The following FHOD3 variants were observed in gnomAD, a reference collection of about 807,000 sequenced individuals.
FHOD3 encodes the protein formin homology 2 domain containing 3.
A neutral mutation model predicts 173.0 loss-of-function variants in FHOD3; 90 were observed. The ratio of observed to expected loss-of-function variants is 0.52; its 90% confidence interval spans 0.44 to 0.62. The LOEUF (loss-of-function observed/expected upper bound fraction) is 0.62, where lower values mean the gene tolerates loss of function less well. FHOD3 is among the 20% of genes least tolerant of loss of function. The pLI is 0.00. For missense variants in FHOD3, 1,945 were observed against 2,034.7 expected (o/e 0.96, Z 0.85); for synonymous variants, 828 against 823.0 (o/e 1.01, Z -0.10).
At chr18:36,313,002 A>G (rs1264962466) in intron 1 of FHOD3, among the ~76,000 whole-genome samples, 1 of 152,180 alleles carries the variant, frequency 6.6e-6, no homozygotes, top group Non-Finnish European at 1.5e-5. Context: ...TGGGCTGGGA[A>G]GTGCCAATAG....
chr18:36,352,767 G>T (rs1045239808), intron 1 of FHOD3, among the ~76,000 whole-genome samples: 1 of 152,198 alleles, frequency 6.6e-6, no homozygotes, highest in African/African-American at 2.4e-5. Context: ...CCATCTTTCA[G>T]TCTGTTGATT....
chr18:36,581,734 A>G (rs2058860500), intron 6 of FHOD3, among the ~76,000 whole-genome samples: 1 of 152,184 alleles, frequency 6.6e-6, no homozygotes, highest in South Asian at 2.1e-4. Context: ...TGTCATATAC[A>G]TTAGAGAACC....
At chr18:36,636,846 G>T (rs549413447) in intron 10 of FHOD3, among the ~76,000 whole-genome samples, 48 of 152,232 alleles carry the variant, frequency 3.2e-4, no homozygotes, top group African/African-American at 1.0e-3. Flanking sequence ...CATGTGGGCA[G>T]GCCTTCTGGT....
intron 3 of FHOD3, among the ~76,000 whole-genome samples, chr18:36,380,578 T>TTTCCTTTCCTTTCCTTTCC (rs2047715673): frequency 3.8e-4 from 20 of 52,458 alleles, no homozygotes; most frequent in East Asian, 1.4e-3. Context: ...TTTTCTTTTC[T>TTTCCTTTCCTTTCCTTTCC]TTTCCTTTCC....
chr18:36,680,670 C>G (rs1339321525), intron 14 of FHOD3, among the ~76,000 whole-genome samples: 1 of 152,248 alleles, frequency 6.6e-6, no homozygotes, highest in African/African-American at 2.4e-5. Flanking sequence ...ACAGTCCAGA[C>G]TCTTGTGTGA....
At chr18:36,315,006 T>A (rs992833465) in intron 1 of FHOD3, among the ~76,000 whole-genome samples, 3 of 152,202 alleles carry the variant, frequency 2.0e-5, no homozygotes, top group African/African-American at 7.2e-5. Flanking sequence ...CTGTGAGTTC[T>A]GATTCTAAGT....
chr18:36,755,181 A>G lies in FHOD3; in HGVS notation c.4295A>G (p.Asn1432Ser). Residue 1432 changes from asparagine to serine, a missense_variant, in exon 25 of 29, where the codon AAC (asparagine) becomes AGC (serine). Asn to Ser is a conservative substitution (Grantham distance 46, BLOSUM62 1). Coordinates refer to ENST00000590592, the MANE Select transcript of FHOD3 (RefSeq NM_001281740.3). ...PPYAIREVNI[N>S]KFCRIISEFA... ...TATGCAATTCGGGAAGTGAACATAA[A>G]CAAATTCTGCAGGATTATTAGTGAA... is the stretch of plus-strand genomic sequence containing the variant. 6.2e-7 allele frequency: 1 copy of G among 1,612,356 alleles called. No individual in the cohort carries two copies. Among genetic ancestry groups the G allele is most frequent in the Middle Eastern group, 1.6e-4 (1 of 6,062 alleles).
chr18:36,680,611 TACTC>T (rs944759794), intron 14 of FHOD3, among the ~76,000 whole-genome samples: 10 of 152,240 alleles, frequency 6.6e-5, no homozygotes, highest in African/African-American at 7.2e-5. Context: ...TCTCCTGTGA[TACTC>T]ACCCTGTGGT....
chr18:36,476,972 G>T (rs1200156720), intron 3 of FHOD3, among the ~76,000 whole-genome samples: 1 of 152,228 alleles, frequency 6.6e-6, no homozygotes, highest in East Asian at 1.9e-4. Context: ...CAGTAAGACT[G>T]CCATACAGTG....
intron 27 of FHOD3, 55 bp downstream of exon 27, chr18:36,760,837 G>A (rs967176214): frequency 1.3e-6 from 2 of 1,520,402 alleles, no homozygotes; most frequent in African/African-American, 1.4e-5. Flanking sequence ...CCGCTCTGGG[G>A]GGGTCCGGTC....
chr18:36,636,170 T>C (rs1334837253), intron 10 of FHOD3, among the ~76,000 whole-genome samples: 1 of 152,212 alleles, frequency 6.6e-6, no homozygotes, highest in Admixed American at 6.5e-5. Flanking sequence ...GTTCTGAATG[T>C]TCACAGCACT....
At chr18:36,452,177 C>T (rs2051894825) in intron 3 of FHOD3, among the ~76,000 whole-genome samples, 1 of 152,106 alleles carries the variant, frequency 6.6e-6, no homozygotes, top group African/African-American at 2.4e-5. Context: ...GCCACAAATG[C>T]TGGGTATCTT....
intron 3 of FHOD3, among the ~76,000 whole-genome samples, chr18:36,458,645 T>G (rs1213756042): frequency 1.3e-5 from 2 of 151,668 alleles, no homozygotes; most frequent in East Asian, 3.9e-4. Context: ...ATTCATGGTT[T>G]TCTGGTTTGT....
At chr18:36,740,140 T>G (rs2041834866) in intron 20 of FHOD3, among the ~76,000 whole-genome samples, 1 of 152,232 alleles carries the variant, frequency 6.6e-6, no homozygotes, top group South Asian at 2.1e-4. Flanking sequence ...AAAGGTATAC[T>G]TTTTTATTAG....
At chr18:36,361,055 C>G (rs567648273) in intron 2 of FHOD3, among the ~76,000 whole-genome samples, 1 of 152,068 alleles carries the variant, frequency 6.6e-6, no homozygotes, top group Non-Finnish European at 1.5e-5. Context: ...GAAAGGTAGA[C>G]GTTCCCTGAT....
chr18:36,543,838 T>TA (rs1413984206), intron 5 of FHOD3, among the ~76,000 whole-genome samples: 32 of 152,224 alleles, frequency 2.1e-4, no homozygotes, highest in Non-Finnish European at 8.8e-5. Flanking sequence ...TTCTACTTCT[T>TA]AAAATAAAAA....
chr18:36,612,280 T>C (rs2032764106), intron 9 of FHOD3, among the ~76,000 whole-genome samples, 185 bp downstream of exon 9: 1 of 152,222 alleles, frequency 6.6e-6, no homozygotes, highest in African/African-American at 2.4e-5. Context: ...GACCATGTTA[T>C]GACAAGCCTT....
chr18:36,761,081 C>T (rs1443842672), intron 27 of FHOD3, among the ~76,000 whole-genome samples: 1 of 152,202 alleles, frequency 6.6e-6, no homozygotes, highest in African/African-American at 2.4e-5. Flanking sequence ...TCCAGCCTTC[C>T]CCCTGCTTTT....
At chr18:36,680,921 CT>C (rs1401061776) in intron 14 of FHOD3, among the ~76,000 whole-genome samples, 6 of 152,074 alleles carry the variant, frequency 3.9e-5, no homozygotes, top group Non-Finnish European at 7.4e-5. Context: ...TATAAAATCA[CT>C]TTTTTTAAAA....
Sources: allele counts gnomAD v4.1 joint callset (sites outside exome capture counted in the v4.1 genomes callset), GRCh38; gene constraint gnomAD v4.1.1; transcripts MANE v1.5; gene names NCBI Gene and HGNC (gene_info 2026-07-23, HGNC 2026-07-21).